The following LVRN variants were observed in gnomAD, a reference collection of about 807,000 sequenced individuals.
LVRN encodes the protein laeverin.
LVRN carries 99 observed loss-of-function variants against 111.4 expected under a neutral mutation model. That is an observed-to-expected ratio of 0.89 (90% CI 0.76 to 1.05). The LOEUF is 1.05. Among genes scored for constraint, LVRN ranks in the 50% least tolerant of loss-of-function variants. The probability of loss-of-function intolerance (pLI) is 0.00; values close to 1 mark genes in which losing one functional copy is unlikely to be tolerated. For synonymous variants in LVRN, 488 were observed against 449.5 expected, an observed-to-expected ratio of 1.09 and a Z score of -1.08; for missense variants, 1,414 against 1,206.8, an observed-to-expected ratio of 1.17 and a Z score of -2.54.
chr5:116,023,685 T>G (rs952301845), intron 19 of LVRN: 3 of 152,322 alleles, frequency 2.0e-5, no homozygotes, highest in Admixed American at 6.5e-5. Flanking sequence ...TACAAAAAGA[T>G]ACATTCACAC....
At chr5:116,011,952 A>G (rs1748499345) in intron 14 of LVRN, among the ~76,000 whole-genome samples, 1 of 151,712 alleles carries the variant, frequency 6.6e-6, no homozygotes, top group South Asian at 2.1e-4. Flanking sequence ...TTTTTTTTTG[A>G]GGAATGTATA....
At chr5:115,995,900 T>A (rs1748096781) in intron 6 of LVRN, among the ~76,000 whole-genome samples, 1 of 152,194 alleles carries the variant, frequency 6.6e-6, no homozygotes, top group Admixed American at 6.5e-5. Context: ...ACCACTGTGC[T>A]CTATAGCAAA....
intron 4 of LVRN, among the ~76,000 whole-genome samples, chr5:115,989,074 A>T (rs1019312372): frequency 6.6e-6 from 1 of 152,000 alleles, no homozygotes; most frequent in Admixed American, 6.6e-5. Flanking sequence ...TCTCCACCAC[A>T]GCTGTACTCT....
At chr5:115,973,494 A>G (rs1342344357) in intron 1 of LVRN, among the ~76,000 whole-genome samples, 2 of 152,162 alleles carry the variant, frequency 1.3e-5, no homozygotes, top group Non-Finnish European at 2.9e-5. Context: ...TTTCTTCTTT[A>G]ACCGTCTGAT....
At chr5:115,988,039 C>T in intron 4 of LVRN, 100 bp downstream of exon 4, 1 of 1,449,046 alleles carries the variant, frequency 6.9e-7, no homozygotes, top group Admixed American at 2.2e-5. Context: ...GATTCACCAT[C>T]ACCATTTAGC....
At chr5:115,978,119 A>G (rs1483726859) in intron 1 of LVRN, among the ~76,000 whole-genome samples, 1 of 152,188 alleles carries the variant, frequency 6.6e-6, no homozygotes, top group African/African-American at 2.4e-5. Context: ...TATGCTAGGA[A>G]ATCTGGCATG....
At position 115,992,295 on chromosome 5, in the gene LVRN, C is replaced by CT. The variant is rs775565481; in HGVS notation, c.1260+23dup. 1 of 1,612,690 alleles carries CT rather than the reference C, an allele frequency of 6.2e-7. No individual in the cohort carries two copies. The highest frequency in any genetic ancestry group is 1.7e-5 in the Admixed American group (1 of 59,800). The stretch of plus-strand genomic sequence containing the variant: ...GACACCAGGCATGTGGTAAAATGTT[C>CT]TTTTTATTTCACTTGAAGTTATTCT... On this transcript the variant is annotated intron_variant, in intron 5 of 19. Coordinates refer to ENST00000357872, the MANE Select transcript of LVRN (RefSeq NM_173800.5).
At chr5:115,991,572 T>C (rs932493518) in intron 4 of LVRN, among the ~76,000 whole-genome samples, 3 of 152,320 alleles carry the variant, frequency 2.0e-5, no homozygotes, top group Non-Finnish European at 4.4e-5. Flanking sequence ...AGGAATGTAA[T>C]TGTCAGATCT....
chr5:115,976,320 G>A (rs904129798), intron 1 of LVRN: 1 of 152,198 alleles, frequency 6.6e-6, no homozygotes, highest in African/African-American at 2.4e-5. Flanking sequence ...GACCAGCTCT[G>A]CGCTACCTGA....
chr5:116,005,990 T>C, intron 13 of LVRN, 23 bp downstream of exon 13: 1 of 1,559,574 alleles, frequency 6.4e-7, no homozygotes, highest in Non-Finnish European at 8.8e-7. Context: ...TCTTCTCTCA[T>C]GGTTTCAGAA....
intron 1 of LVRN, among the ~76,000 whole-genome samples, chr5:115,964,599 C>CT (rs34449231): frequency 6.8e-4 from 102 of 149,204 alleles, no homozygotes; most frequent in Middle Eastern, 6.9e-3. Flanking sequence ...ACATATCTGA[C>CT]TTTTTTTTTT....
intron 3 of LVRN, 78 bp from the exon 4 acceptor site, chr5:115,987,735 G>A: frequency 6.7e-7 from 1 of 1,486,302 alleles, no homozygotes; most frequent in Non-Finnish European, 9.1e-7. Flanking sequence ...TCAGCAGCAG[G>A]GAATTGGAGC....
chr5:116,010,599 T>C (rs2112623828), intron 13 of LVRN, 142 bp from the exon 14 acceptor site: 1 of 854,978 alleles, frequency 1.2e-6, no homozygotes, highest in Non-Finnish European at 1.9e-6. Context: ...TTCTATAAGA[T>C]GGGACATTTA....
At chr5:115,978,270 A>G (rs1004103017) in intron 1 of LVRN, among the ~76,000 whole-genome samples, 12 of 152,204 alleles carry the variant, frequency 7.9e-5, no homozygotes, top group African/African-American at 2.7e-4. Flanking sequence ...TCATTATCCT[A>G]TAAAGGTGTC....
intron 15 of LVRN, 95 bp downstream of exon 15, chr5:116,012,563 A>G: frequency 2.6e-6 from 2 of 756,948 alleles, no homozygotes; most frequent in Admixed American, 3.0e-5. Flanking sequence ...TCTGTTATTC[A>G]TTGAGAGATT....
At chr5:116,000,799 G>T in intron 9 of LVRN, 141 bp downstream of exon 9, 1 of 902,544 alleles carries the variant, frequency 1.1e-6, no homozygotes, top group Non-Finnish European at 1.7e-6. Flanking sequence ...CATGGGTAGT[G>T]TCTTTAGTCT....
At chr5:116,003,121 A>G in intron 11 of LVRN, 120 bp from the exon 12 acceptor site, 1 of 1,018,976 alleles carries the variant, frequency 9.8e-7, no homozygotes, top group Non-Finnish European at 1.4e-6. Flanking sequence ...TATATATTTT[A>G]GAATTCCTTT....
At chr5:115,972,424 G>T (rs1753347040) in intron 1 of LVRN, among the ~76,000 whole-genome samples, 1 of 150,182 alleles carries the variant, frequency 6.7e-6, no homozygotes, top group Admixed American at 6.7e-5. Flanking sequence ...TTTGCTTGTT[G>T]ATCTTGTATG....
At chr5:116,004,182 GAAGTT>G (rs914143539) in intron 12 of LVRN, among the ~76,000 whole-genome samples, 1 of 152,170 alleles carries the variant, frequency 6.6e-6, no homozygotes, top group Non-Finnish European at 1.5e-5. Context: ...TCAGAAGAGA[GAAGTT>G]AATTCACAAA....
Sources: allele counts gnomAD v4.1 joint callset (sites outside exome capture counted in the v4.1 genomes callset), GRCh38; gene constraint gnomAD v4.1.1; transcripts MANE v1.5; gene names NCBI Gene and HGNC (gene_info 2026-07-23, HGNC 2026-07-21).